The following PLAA variants were observed in gnomAD, a reference collection of about 807,000 sequenced individuals.
PLAA encodes the protein phospholipase A-2-activating protein.
PLAA carries 48 observed loss-of-function variants against 84.1 expected under a neutral mutation model. The ratio of observed to expected loss-of-function variants is 0.57; its 90% confidence interval spans 0.45 to 0.73. PLAA has a LOEUF of 0.73. Among genes scored for constraint, PLAA ranks in the 30% least tolerant of loss-of-function variants. PLAA has a pLI of 0.00. For synonymous variants in PLAA, 392 were observed against 336.6 expected, an observed-to-expected ratio of 1.16 and a Z score of -1.80; for missense variants, 903 against 954.7, an observed-to-expected ratio of 0.95 and a Z score of 0.71.
At chr9:26,908,139 A>G in intron 12 of PLAA, 141 bp from the exon 13 acceptor site, 1 of 562,862 alleles carries the variant, frequency 1.8e-6, no homozygotes, top group Non-Finnish European at 3.0e-6. Context: ...AAACACCATA[A>G]AGTAAGGATA....
At chr9:26,928,053 C>A in intron 4 of PLAA, 47 bp downstream of exon 4, 1 of 1,552,192 alleles carries the variant, frequency 6.4e-7, no homozygotes, top group Non-Finnish European at 8.7e-7. Flanking sequence ...AAAATCTGAG[C>A]AAATAAAAAG....
chr9:26,907,814 T>G lies in PLAA; in HGVS notation c.1822+20A>C. On this transcript the variant is annotated intron_variant, in intron 13 of 13. Coordinates refer to ENST00000397292, the MANE Select transcript of PLAA (RefSeq NM_001031689.3). ...AAACTTCTTGCTTTCTGGTTACATT[T>G]TTGAAGAGTGTTTATTTACCTTCAG... The G allele has an allele frequency of 6.3e-7, 1 of 1,580,042 alleles. No homozygotes were observed. The highest frequency in any genetic ancestry group is 1.4e-5 in the African/African-American group (1 of 72,938).
intron 2 of PLAA, among the ~76,000 whole-genome samples, chr9:26,934,535 A>T (rs904195027): frequency 7.3e-6 from 1 of 137,714 alleles, no homozygotes; most frequent in African/African-American, 2.8e-5. Context: ...GCTGGAGTGC[A>T]GTGGCAGGAT....
In PLAA at chr9:26,921,868, A is replaced by G. The variant is rs1824773097; in HGVS notation, c.1039+1310T>C. Among the ~76,000 whole-genome samples, 3 of 152,256 alleles carry G rather than the reference A, an allele frequency of 2.0e-5. No homozygotes were observed. In the South Asian group the frequency reaches 6.2e-4, roughly 32 times the overall value. On this transcript the variant is annotated intron_variant, in intron 7 of 13. Coordinates refer to ENST00000397292, the MANE Select transcript of PLAA (RefSeq NM_001031689.3). The stretch of plus-strand genomic sequence containing the variant: ...ACCACTAGTATCAATACAAATGGGA[A>G]GCTACTAAGTTCCTGGTGGAGATAC...
chr9:26,906,727 C>T (rs779247907), intron 13 of PLAA, among the ~76,000 whole-genome samples: 8 of 151,816 alleles, frequency 5.3e-5, no homozygotes, highest in Non-Finnish European at 1.0e-4. Context: ...CGTGCCCAGC[C>T]GGAAAGTTCT....
At chr9:26,907,314 G>T (rs1189202721) in intron 13 of PLAA, among the ~76,000 whole-genome samples, 1 of 152,056 alleles carries the variant, frequency 6.6e-6, no homozygotes, top group African/African-American at 2.4e-5. Flanking sequence ...AGGATCACGA[G>T]GTCAGGAGAT....
intron 9 of PLAA, among the ~76,000 whole-genome samples, chr9:26,917,781 G>A (rs1824611880): frequency 6.6e-6 from 1 of 151,906 alleles, no homozygotes; most frequent in Non-Finnish European, 1.5e-5. Flanking sequence ...GTACCTCTAG[G>A]GAAATAATCA....
rs1231684679 is a variant in PLAA at position 26,929,012 on chromosome 9, A to G, written c.344-604T>C. Among the ~76,000 whole-genome samples, 8 of 152,090 alleles carry G rather than the reference A, an allele frequency of 5.3e-5. No individual in the cohort carries two copies. In the East Asian group the frequency reaches 1.4e-3, roughly 26 times the overall value. On this transcript the variant is annotated intron_variant, in intron 2 of 13. Transcript: ENST00000397292. Reference sequence around the variant, plus strand: ...CAGGAGTTAGAGACCGGCCTGGGCAATGTGGAGAGACCTCATCTCTACTAA... The same window carrying G: ...CAGGAGTTAGAGACCGGCCTGGGCAGTGTGGAGAGACCTCATCTCTACTAA...
chr9:26,936,843 T>C (rs540543277), intron 1 of PLAA, among the ~76,000 whole-genome samples: 30 of 152,158 alleles, frequency 2.0e-4, no homozygotes, highest in African/African-American at 7.0e-4. Context: ...CAAGAGGATT[T>C]AAAAGGCTGA....
chr9:26,908,144 A>G (rs1443997925), intron 12 of PLAA, 146 bp from the exon 13 acceptor site: 2 of 534,116 alleles, frequency 3.7e-6, no homozygotes, highest in Non-Finnish European at 6.4e-6. Flanking sequence ...CCATAAAGTA[A>G]GGATAAGGCT....
At position 26,928,124 on chromosome 9, in the gene PLAA, C is replaced by T; in HGVS notation, c.541G>A (p.Gly181Arg). The change falls in exon 4 of 14, where the codon GGA becomes AGA. Residue 181 changes from glycine (G) to arginine (R), a missense_variant. Physicochemically the swap from Gly to Arg is moderately radical, Grantham distance 125. Coordinates refer to ENST00000397292, the MANE Select transcript of PLAA (RefSeq NM_001031689.3). ...CCTGAAAAAGTCCTCTCACATCTTC[C>T]AGCCTTCCACAGTTTAACAGTCTTG... ...ADKTVKLWKAGRCERTFSGHE... is the reference protein window; with the variant it reads ...ADKTVKLWKARRCERTFSGHE... 1.2e-6 allele frequency: 2 copies of T among 1,614,038 alleles called. No homozygotes were observed. The highest frequency in any genetic ancestry group is 1.7e-6 in the Non-Finnish European group (2 of 1,179,998).
chr9:26,928,254 A>G, intron 3 of PLAA, 34 bp from the exon 4 acceptor site: 2 of 1,614,024 alleles, frequency 1.2e-6, no homozygotes, highest in Non-Finnish European at 1.7e-6. Flanking sequence ...TTAAGTTGCC[A>G]CAGAATCATT....
At chr9:26,928,552 T>G in intron 2 of PLAA, 144 bp from the exon 3 acceptor site, 1 of 674,610 alleles carries the variant, frequency 1.5e-6, no homozygotes, top group South Asian at 1.7e-5. Flanking sequence ...CAGAGACGCA[T>G]AAGAGTACAG....
At chr9:26,933,555 G>A (rs971725964) in intron 2 of PLAA, among the ~76,000 whole-genome samples, 4 of 151,870 alleles carry the variant, frequency 2.6e-5, no homozygotes, top group Admixed American at 6.6e-5. Context: ...ATGGAAGGCC[G>A]AGGGGGGCAA....
intron 5 of PLAA, 74 bp from the exon 6 acceptor site, chr9:26,926,034 AC>A (rs1362129110): frequency 8.0e-7 from 1 of 1,244,150 alleles, no homozygotes; most frequent in Non-Finnish European, 1.1e-6. Flanking sequence ...CTTTCTAGAT[AC>A]ACTGACTTTT....
intron 1 of PLAA, among the ~76,000 whole-genome samples, chr9:26,938,837 A>T (rs1045060765): frequency 6.6e-6 from 1 of 152,182 alleles, no homozygotes; most frequent in African/African-American, 2.4e-5. Context: ...TTCCTACATA[A>T]TTTCAGAAAT....
rs931242003 is a variant in PLAA at position 26,904,974 on chromosome 9, T to C, written c.*537A>G. On this transcript the variant is annotated 3_prime_UTR_variant, in exon 14 of 14. Transcript: ENST00000397292. Reference sequence around the variant, plus strand: ...TTAAACAAATATACTTTAGGATTTATAAATGACAAATCAAGAAATTATCTT... The same window carrying C: ...TTAAACAAATATACTTTAGGATTTACAAATGACAAATCAAGAAATTATCTT... The C allele has an allele frequency of 6.6e-6, 1 of 152,010 alleles. No individual in the cohort carries two copies. Among genetic ancestry groups the C allele is most frequent in the African/African-American group, 2.4e-5 (1 of 41,436 alleles). 9.4% of individuals were successfully genotyped at this position (152,010 alleles called of 1,614,324 possible).
chr9:26,929,637 G>A (rs1469482688), intron 2 of PLAA, among the ~76,000 whole-genome samples: 1 of 152,190 alleles, frequency 6.6e-6, no homozygotes, highest in African/African-American at 2.4e-5. Context: ...CCTTGAGACA[G>A]CTACTTATTT....
intron 12 of PLAA, among the ~76,000 whole-genome samples, chr9:26,909,104 C>G (rs539957065): frequency 6.6e-6 from 1 of 152,204 alleles, no homozygotes; most frequent in Non-Finnish European, 1.5e-5. Flanking sequence ...TGTATCATGA[C>G]TTTGAGTTAC....
Sources: allele counts gnomAD v4.1 joint callset (sites outside exome capture counted in the v4.1 genomes callset), GRCh38; gene constraint gnomAD v4.1.1; transcripts MANE v1.5; gene names NCBI Gene and HGNC (gene_info 2026-07-23, HGNC 2026-07-21).